Variants in PDLIM5 observed in about 807,000 individuals in gnomAD.
PDLIM5 encodes PDZ and LIM domain 5, also known as PDZ and LIM domain protein 5.
Under a neutral mutation model 64.2 loss-of-function variants are expected in PDLIM5, and 34 were observed. The ratio of observed to expected loss-of-function variants is 0.53; its 90% CI spans 0.40 to 0.71. The LOEUF is 0.71. Among genes scored for constraint, PDLIM5 ranks in the 30% least tolerant of loss-of-function variants. The pLI, the probability that PDLIM5 is intolerant of heterozygous loss-of-function variation, is 0.00. For missense variants in PDLIM5, 683 were observed against 733.6 expected (o/e 0.93, Z 0.80); for synonymous variants, 253 against 269.1 (o/e 0.94, Z 0.59).
chr4:94,485,051 C>T (rs1265850460), intron 2 of PDLIM5, among the ~76,000 whole-genome samples: 3 of 151,938 alleles, frequency 2.0e-5, no homozygotes, highest in South Asian at 4.2e-4. Flanking sequence ...TCCTCCATCA[C>T]GTGTGTTTCT....
rs1274709758 is a variant in PDLIM5, at chr4:94,602,590, T to C, written c.921-15414T>C. Among the ~76,000 whole-genome samples the C allele has an allele frequency of 4.6e-5, 7 of 152,088 alleles. No individual in the cohort carries two copies. The East Asian group carries it at 1.4e-3, about 29-fold the overall frequency. On this transcript the variant is annotated intron_variant, in intron 7 of 12. Transcript: ENST00000317968. ...GCCTCAGCCTCCCGAGTAGCTGGGA[T>C]TACAGGCACCCACCACCACACCCAG... is the stretch of plus-strand genomic sequence containing the variant.
At chr4:94,559,137 A>T (rs1578374003) in intron 3 of PDLIM5, among the ~76,000 whole-genome samples, 1 of 152,184 alleles carries the variant, frequency 6.6e-6, no homozygotes, top group African/African-American at 2.4e-5. Flanking sequence ...AGATATTATT[A>T]TGATTCTTTG....
intron 12 of PDLIM5, 53 bp downstream of exon 12, chr4:94,662,590 CT>C (rs1578568765): frequency 2.8e-6 from 2 of 723,224 alleles, no homozygotes; most frequent in East Asian, 5.3e-5. Flanking sequence ...CCAATTCTAG[CT>C]TTAGTATTTA....
intron 12 of PDLIM5, among the ~76,000 whole-genome samples, chr4:94,662,823 T>TA (rs3833614): frequency 7.4e-4 from 109 of 147,370 alleles, no homozygotes; most frequent in Middle Eastern, 3.6e-3. Context: ...TTCCTTTACT[T>TA]AAAAAAAAAA....
In PDLIM5 at chr4:94,575,603, T is replaced by C; in HGVS notation, c.292-13T>C. On this transcript the variant is annotated splice_polypyrimidine_tract_variant and intron_variant, in intron 4 of 12. Transcript: ENST00000317968. ...GGTGTGGTTTTGTGTATGTTTATTT[T>C]TGTTTTACATAGGGAGAACCTAAAG... 1 of 1,514,028 alleles carries C rather than the reference T, an allele frequency of 6.6e-7. No individual in the cohort carries two copies. Among genetic ancestry groups the C allele is most frequent in the Non-Finnish European group, 8.9e-7 (1 of 1,123,360 alleles). 93.8% of individuals were successfully genotyped at this position (1,514,028 alleles called of 1,614,324 possible). A position where few individuals can be genotyped will look rare whatever the true frequency, so the allele number is the denominator to read the frequency against.
intron 3 of PDLIM5, among the ~76,000 whole-genome samples, chr4:94,530,030 T>C (rs1730719391): frequency 6.6e-6 from 1 of 152,212 alleles, no homozygotes; most frequent in African/African-American, 2.4e-5. Context: ...AACTGGTTTC[T>C]ATGAAAAAGG....
Position 94,654,588 on chromosome 4 carries a change from A to G in PDLIM5, c.1412A>G (p.Tyr471Cys), listed in dbSNP as rs1282620651. ...GGAGCCCTGTATTGTGAGCTGTGCT[A>G]TGAGAAATTCTTTGCCCCTGAATGT... ...EKGALYCELC[Y>C]EKFFAPECGR... The change falls in exon 10 of 13, where the codon TAT becomes TGT. Residue 471 changes from tyrosine (Y) to cysteine (C), a missense_variant. Tyr to Cys is a radical substitution (Grantham distance 194). Transcript: ENST00000317968. 1 of 1,613,046 alleles carries G rather than the reference A, an allele frequency of 6.2e-7. No individual in the cohort carries two copies. Among genetic ancestry groups the G allele is most frequent in the Non-Finnish European group, 8.5e-7 (1 of 1,178,998 alleles).
At chr4:94,478,421 T>C (rs566680285) in intron 2 of PDLIM5, among the ~76,000 whole-genome samples, 4 of 152,198 alleles carry the variant, frequency 2.6e-5, no homozygotes, top group African/African-American at 9.6e-5. Flanking sequence ...TGCATGGGGA[T>C]GGGGGTTGGC....
At chr4:94,513,111 C>A (rs1184773974) in intron 2 of PDLIM5, among the ~76,000 whole-genome samples, 1 of 152,110 alleles carries the variant, frequency 6.6e-6, no homozygotes, top group African/African-American at 2.4e-5. Flanking sequence ...TTTATCAGTA[C>A]CATGCTGTTT....
In PDLIM5 at chr4:94,585,615, C is replaced by T. The variant is rs769041252; in HGVS notation, c.761C>T (p.Pro254Leu). Residue 254 changes from proline to leucine, a missense_variant, in exon 6 of 13, where the codon CCC becomes CTC. By Grantham distance (98) the Pro-to-Leu change is moderately conservative. Coordinates refer to ENST00000317968, the MANE Select transcript of PDLIM5 (RefSeq NM_006457.5). Reference protein sequence around the residue: ...VERYTEFYHVPTHSDASKKRL... With the variant: ...VERYTEFYHVLTHSDASKKRL... Reference sequence around the variant, plus strand: ...CGCTATACAGAGTTTTATCATGTACCCACTCACAGTGATGCCAGCAAGAAG... The same window carrying T: ...CGCTATACAGAGTTTTATCATGTACTCACTCACAGTGATGCCAGCAAGAAG... 5.3e-5 allele frequency: 86 copies of T among 1,612,618 alleles called. No homozygotes were observed. Among genetic ancestry groups the T allele is most frequent in the Non-Finnish European group, 7.2e-5 (85 of 1,179,492 alleles).
intron 8 of PDLIM5, among the ~76,000 whole-genome samples, chr4:94,620,998 G>C (rs1739184386): frequency 6.7e-6 from 1 of 149,270 alleles, no homozygotes. Context: ...TTGAACCCAG[G>C]AGGCGAAGGT....
At chr4:94,570,451 C>G (rs769323704) in intron 3 of PDLIM5, among the ~76,000 whole-genome samples, 3 of 152,078 alleles carry the variant, frequency 2.0e-5, no homozygotes, top group Non-Finnish European at 4.4e-5. Context: ...AGAGTACAGT[C>G]TTTTATAAGC....
chr4:94,662,362 A>C (rs1221863704), intron 11 of PDLIM5, 60 bp from the exon 12 acceptor site: 1 of 788,616 alleles, frequency 1.3e-6, no homozygotes, highest in African/African-American at 1.7e-5. Flanking sequence ...CCTTCTAGGA[A>C]CGATCATTCT....
chr4:94,489,163 T>A (rs1464242489), intron 2 of PDLIM5: 1 of 152,214 alleles, frequency 6.6e-6, no homozygotes, highest in African/African-American at 2.4e-5. Flanking sequence ...TTTAATAGTA[T>A]ATTGTCTATT....
chr4:94,481,142 G>A (rs573309016), intron 2 of PDLIM5, among the ~76,000 whole-genome samples: 2 of 152,012 alleles, frequency 1.3e-5, no homozygotes, highest in Non-Finnish European at 2.9e-5. Flanking sequence ...TAAAAGATTA[G>A]GTAGTCATTT....
intron 2 of PDLIM5, among the ~76,000 whole-genome samples, chr4:94,508,546 C>A (rs1217045730): frequency 6.6e-6 from 1 of 152,122 alleles, no homozygotes; most frequent in African/African-American, 2.4e-5. Flanking sequence ...TGAAGACTTT[C>A]TCATCTTCTC....
In PDLIM5 at chr4:94,554,483, C is replaced by A. The variant is rs190063501; in HGVS notation, c.249-18868C>A. 4.7e-3 allele frequency among the ~76,000 whole-genome samples: 708 copies of A among 152,142 alleles called. 2 individuals are homozygous for A. The highest frequency in any genetic ancestry group is 6.0e-3 in the Non-Finnish European group (411 of 67,968). ...ATATACATTCGTACGTACATACGTT[C>A]ATACATATATATAAAGACACAGATT... On this transcript the variant is annotated intron_variant, in intron 3 of 12. Coordinates refer to ENST00000317968, the MANE Select transcript of PDLIM5 (RefSeq NM_006457.5).
In PDLIM5 at chr4:94,585,750, C is replaced by A; in HGVS notation, c.883+13C>A. ...GGGACTGAACATTGTAAGTGAACTT[C>A]TAGGTATCCTAATGGATGAATGTTT... On this transcript the variant is annotated intron_variant, in intron 6 of 12. Coordinates refer to ENST00000317968, the MANE Select transcript of PDLIM5 (RefSeq NM_006457.5). The A allele has an allele frequency of 6.2e-7, 1 of 1,603,846 alleles. No individual in the cohort carries two copies. Among genetic ancestry groups the A allele is most frequent in the Non-Finnish European group, 8.5e-7 (1 of 1,171,362 alleles).
At chr4:94,604,264 C>A (rs567417928) in intron 7 of PDLIM5, among the ~76,000 whole-genome samples, 6 of 152,274 alleles carry the variant, frequency 3.9e-5, no homozygotes, top group African/African-American at 1.4e-4. Flanking sequence ...CACAAAAAGA[C>A]AAATATTGTA....
Sources: gnomAD v4.1 joint callset for allele counts (sites outside exome capture counted in the v4.1 genomes callset) on GRCh38, gnomAD v4.1.1 for gene constraint, MANE v1.5 for transcripts, NCBI Gene and HGNC (gene_info 2026-07-23, HGNC 2026-07-21) for gene names.